The following USP37 variants were observed in gnomAD, a reference collection of about 807,000 sequenced individuals.
The protein encoded by USP37 is ubiquitin specific peptidase 37.
Under a neutral mutation model 124.0 loss-of-function variants are expected in USP37, and 27 were observed. The observed-to-expected ratio is 0.22, with a 90% CI of 0.16 to 0.30. The LOEUF is 0.30. USP37 is among the 10% of genes least tolerant of loss of function. USP37 has a pLI of 1.00. For synonymous variants in USP37, 365 were observed against 388.0 expected (o/e 0.94, Z 0.70); for missense variants, 889 against 1,140.4 (o/e 0.78, Z 3.17).
chr2:218,541,948 T>C (rs1033836228), intron 8 of USP37, among the ~76,000 whole-genome samples: 1 of 152,174 alleles, frequency 6.6e-6, no homozygotes, highest in African/African-American at 2.4e-5. Flanking sequence ...TTCAGAGGAC[T>C]GCATTTAACT....
intron 18 of USP37, 125 bp downstream of exon 18, chr2:218,479,525 G>A: frequency 1.3e-6 from 1 of 755,030 alleles, no homozygotes; most frequent in East Asian, 2.9e-5. Flanking sequence ...CAAAAGTATA[G>A]GTAATAAAGA....
intron 10 of USP37, among the ~76,000 whole-genome samples, chr2:218,523,530 T>G: frequency 6.6e-6 from 1 of 152,220 alleles, no homozygotes; most frequent in Non-Finnish European, 1.5e-5. Context: ...TTTTGTGAAT[T>G]GATCTTGTAT....
intron 2 of USP37, among the ~76,000 whole-genome samples, chr2:218,561,583 G>A (rs796596681): frequency 2.6e-5 from 4 of 151,446 alleles, no homozygotes; most frequent in South Asian, 4.2e-4. Context: ...GCTGGAATCC[G>A]GGAGGCAGAG....
In USP37 at chr2:218,451,019, G is replaced by A. The variant is rs1689462651; in HGVS notation, c.*3911C>T. The A allele has an allele frequency of 6.6e-6, 1 of 152,016 alleles. No homozygotes were observed. Among genetic ancestry groups the A allele is most frequent in the Admixed American group, 6.6e-5 (1 of 15,240 alleles). The allele number at this position is 152,016 out of a possible 1,614,324, so 9.4% of individuals were successfully genotyped here. A position where few individuals can be genotyped will look rare whatever the true frequency, so the allele number is the denominator to read the frequency against. Reference sequence around the variant, plus strand: ...TGTGGTTAAACACAGCAAAATAATTGTCACAAAACTTTCAAGGCCTAACAA... The same window carrying A: ...TGTGGTTAAACACAGCAAAATAATTATCACAAAACTTTCAAGGCCTAACAA... On this transcript the variant is annotated 3_prime_UTR_variant, in exon 26 of 26. Transcript: ENST00000258399.
intron 8 of USP37, among the ~76,000 whole-genome samples, chr2:218,541,885 C>A (rs1174465915): frequency 6.6e-6 from 1 of 152,156 alleles, no homozygotes; most frequent in Admixed American, 6.5e-5. Flanking sequence ...ATCCTTTACA[C>A]ACCCCTAGAC....
At chr2:218,557,628 T>C (rs906484635) in intron 4 of USP37, among the ~76,000 whole-genome samples, 1 of 54,056 alleles carries the variant, frequency 1.8e-5, no homozygotes, top group Non-Finnish European at 3.5e-5. Flanking sequence ...CATAATCTAA[T>C]TTAAAAATAT....
At chr2:218,554,645 G>A (rs1692859758) in intron 4 of USP37, among the ~76,000 whole-genome samples, 1 of 151,972 alleles carries the variant, frequency 6.6e-6, no homozygotes, top group African/African-American at 2.4e-5. Context: ...TACTCGGGAG[G>A]CTGAGGCAGG....
At chr2:218,477,190 C>T (rs912465719) in intron 18 of USP37, among the ~76,000 whole-genome samples, 4 of 152,186 alleles carry the variant, frequency 2.6e-5, no homozygotes, top group African/African-American at 7.2e-5. Flanking sequence ...TATGCTACTA[C>T]GTATCATCAG....
intron 8 of USP37, among the ~76,000 whole-genome samples, chr2:218,539,344 T>G (rs1178547781): frequency 2.0e-5 from 3 of 152,162 alleles, no homozygotes; most frequent in African/African-American, 7.2e-5. Context: ...GTAACATACA[T>G]TTTTGTTTTT....
rs545249891 is a variant in USP37, at chr2:218,480,377, C to T, written c.1836-662G>A. Among the ~76,000 whole-genome samples, 154 of 119,224 alleles carry T rather than the reference C, an allele frequency of 1.3e-3. 2 individuals carry two copies. Among genetic ancestry groups the T allele is most frequent in the South Asian group, 7.9e-4 (3 of 3,788 alleles). The allele number at this position is 119,224 out of a possible 152,430, so 78.2% of individuals were successfully genotyped here. ...ATGCGCCACTGCACTCCAGCCTGGG[C>T]GACAGAGCGAGACTCCGTCTCAAAA... is the stretch of plus-strand genomic sequence containing the variant. On this transcript the variant is annotated intron_variant, in intron 17 of 25. Coordinates refer to ENST00000258399, the MANE Select transcript of USP37 (RefSeq NM_020935.3).
In USP37 at chr2:218,455,591, A is replaced by G. The variant is rs1325883254; in HGVS notation, c.2841T>C (p.Phe947=). 6.2e-7 allele frequency: 1 copy of G among 1,612,134 alleles called. No individual in the cohort carries two copies. Among genetic ancestry groups the G allele is most frequent in the Admixed American group, 1.7e-5 (1 of 59,582 alleles). ...SDRDRSGYIF[F]YMHKEIFDEL... ...GCAAAGTTTCTTACTTGTGCATATA[A>G]AAGAAGATGTAGCCACTCCGATCTC... Residue 947 remains phenylalanine, a synonymous_variant, in exon 25 of 26, where the codon TTT becomes TTC. Coordinates refer to ENST00000258399, the MANE Select transcript of USP37 (RefSeq NM_020935.3).
In USP37 at chr2:218,455,659, G is replaced by A. The variant is rs1415055248; in HGVS notation, c.2773C>T (p.Leu925=). 1.2e-6 allele frequency: 2 copies of A among 1,614,166 alleles called. No homozygotes were observed. Among genetic ancestry groups the A allele is most frequent in the South Asian group, 1.1e-5 (1 of 91,078 alleles). ...GCCTCTTGGATTTTTGATACCTCCAGGTCATTGTAAGTAAACCACGCTTGC... is the reference window on the plus strand; with the variant it reads ...GCCTCTTGGATTTTTGATACCTCCAAGTCATTGTAAGTAAACCACGCTTGC... ...KKQAWFTYND[L]EVSKIQEAAV... The change falls in exon 25 of 26, where the codon CTG becomes TTG. Residue 925 remains leucine (L), a synonymous_variant. Coordinates refer to ENST00000258399, the MANE Select transcript of USP37 (RefSeq NM_020935.3).
rs777151062 is a variant in USP37 at position 218,459,928 on chromosome 2, C to T, written c.2528-23G>A. 72 of 1,587,406 alleles carry T rather than the reference C, an allele frequency of 4.5e-5. 2 individuals carry two copies. The South Asian group carries it at 7.9e-4, about 17-fold the overall frequency. On this transcript the variant is annotated intron_variant, in intron 22 of 25. Coordinates refer to ENST00000258399, the MANE Select transcript of USP37 (RefSeq NM_020935.3). ...ACTCTGAAGAATACAAAGACAAAAT[C>T]TTATAAAAGTTCTTGGAATAGAATG...
chr2:218,500,249 ATTCAT>A (rs1689304494), intron 11 of USP37, among the ~76,000 whole-genome samples: 1 of 150,138 alleles, frequency 6.7e-6, no homozygotes, highest in African/African-American at 2.5e-5. Context: ...TAATGTTTGT[ATTCAT>A]TTATTTATTT....
chr2:218,469,164 T>C (rs1309318986), intron 20 of USP37, among the ~76,000 whole-genome samples: 2 of 152,202 alleles, frequency 1.3e-5, no homozygotes, highest in East Asian at 3.8e-4. Flanking sequence ...AAAATCCCAA[T>C]TGTTCAGAAA....
chr2:218,491,143 G>C (rs1380144789), intron 14 of USP37, among the ~76,000 whole-genome samples: 7 of 152,156 alleles, frequency 4.6e-5, no homozygotes, highest in Admixed American at 1.3e-4. Flanking sequence ...CAAAGTGCTG[G>C]GATTACAGGC....
At chr2:218,500,148 C>A (rs1324438695) in intron 11 of USP37, among the ~76,000 whole-genome samples, 1 of 151,600 alleles carries the variant, frequency 6.6e-6, no homozygotes, top group Non-Finnish European at 1.5e-5. Flanking sequence ...GATCTCAGTT[C>A]ACTACAACCT....
At position 218,451,057 on chromosome 2, in the gene USP37, C is replaced by T. The variant is rs1050119978; in HGVS notation, c.*3873G>A. ...CAAGGCCTAACAAATTAGAATTTTC[C>T]AATAAAAAATATATATTTTTTCAGA... On this transcript the variant is annotated 3_prime_UTR_variant, in exon 26 of 26. Transcript: ENST00000258399. The T allele has an allele frequency of 1.3e-5, 2 of 151,916 alleles. No individual in the cohort carries two copies. Among genetic ancestry groups the T allele is most frequent in the Admixed American group, 6.6e-5 (1 of 15,236 alleles). 9.4% of individuals were successfully genotyped at this position (151,916 alleles called of 1,614,324 possible).
At chr2:218,537,966 A>G (rs1691750055) in intron 8 of USP37, among the ~76,000 whole-genome samples, 1 of 152,240 alleles carries the variant, frequency 6.6e-6, no homozygotes, top group Non-Finnish European at 1.5e-5. Context: ...TCAGGAGCTA[A>G]GTGCTATCAC....
Sources: allele counts gnomAD v4.1 joint callset (sites outside exome capture counted in the v4.1 genomes callset), GRCh38; gene constraint gnomAD v4.1.1; transcripts MANE v1.5; gene names NCBI Gene and HGNC (gene_info 2026-07-23, HGNC 2026-07-21).